The following HMGA2 variants were observed in gnomAD, a reference collection of about 807,000 sequenced individuals.
HMGA2 encodes high mobility group AT-hook 2.
In HMGA2, 8 loss-of-function variants were observed where a neutral mutation model predicts 19.1. That is an observed-to-expected ratio of 0.42 (90% confidence interval 0.25 to 0.76). The LOEUF is 0.76. Among genes scored for constraint, HMGA2 ranks in the 30% least tolerant of loss-of-function variants. HMGA2 has a pLI of 0.28. For synonymous variants in HMGA2, 60 were observed against 48.8 expected, an observed-to-expected ratio of 1.23 and a Z score of -0.96; for missense variants, 109 against 136.3, an observed-to-expected ratio of 0.80 and a Z score of 1.00.
chr12:65,877,396 C>A (rs149469522), intron 3 of HMGA2, among the ~76,000 whole-genome samples: 29 of 152,100 alleles, frequency 1.9e-4, no homozygotes, highest in African/African-American at 6.7e-4. Context: ...TGCAGAGAGG[C>A]CTTAGGAGGG....
Position 65,838,569 on chromosome 12 carries a change from GGTGA to G in HMGA2, c.249+3_249+6del. 2.5e-6 allele frequency: 4 copies of G among 1,602,988 alleles called. No individual in the cohort carries two copies. Among genetic ancestry groups the G allele is most frequent in the Non-Finnish European group, 3.4e-6 (4 of 1,170,864 alleles). Reference sequence around the variant, plus strand: ...GGCCAAGAGGCAGACCTAGGAAATGGGTGAGTAATAAGATATAATTTTTCTTCTT... The same window carrying G: ...GGCCAAGAGGCAGACCTAGGAAATGGGTAATAAGATATAATTTTTCTTCTT... On this transcript the variant is annotated splice_donor_variant and splice_donor_region_variant and intron_variant, in intron 3 of 4. Coordinates refer to ENST00000403681, the MANE Select transcript of HMGA2 (RefSeq NM_003483.6). LOFTEE classifies it high-confidence loss of function.
At chr12:65,890,310 A>G (rs999861887) in intron 3 of HMGA2, among the ~76,000 whole-genome samples, 1 of 152,186 alleles carries the variant, frequency 6.6e-6, no homozygotes, top group Admixed American at 6.5e-5. Context: ...TTAGCACAGC[A>G]CCTGAGGCAT....
At chr12:65,831,621 G>GT (rs1255354398) in intron 2 of HMGA2, among the ~76,000 whole-genome samples, 1 of 151,788 alleles carries the variant, frequency 6.6e-6, no homozygotes, top group Non-Finnish European at 1.5e-5. Flanking sequence ...CAGAGTAAAT[G>GT]TTTAATCTCT....
At chr12:65,844,367 C>T (rs1871148473) in intron 3 of HMGA2, among the ~76,000 whole-genome samples, 1 of 152,156 alleles carries the variant, frequency 6.6e-6, no homozygotes, top group African/African-American at 2.4e-5. Flanking sequence ...GTAATATTTT[C>T]TGAAACTATC....
In HMGA2 at chr12:65,954,360, G is replaced by A. The variant is rs565492803; in HGVS notation, c.282+2945G>A. On this transcript the variant is annotated intron_variant, in intron 4 of 4. Transcript: ENST00000403681. ...TTTTAAGGCAGGAATTTTTTAGCTGGAGGAAATTTTCTAGTAATTGCTCCA... is the reference window on the plus strand; with the variant it reads ...TTTTAAGGCAGGAATTTTTTAGCTGAAGGAAATTTTCTAGTAATTGCTCCA... 3.3e-5 allele frequency: 5 copies of A among 152,222 alleles called. No homozygotes were observed. In the South Asian group the frequency reaches 1.0e-3, roughly 32 times the overall value. 9.4% of individuals were successfully genotyped at this position (152,222 alleles called of 1,614,324 possible).
chr12:65,882,314 A>G (rs1240990077), intron 3 of HMGA2: 1 of 215,736 alleles, frequency 4.6e-6, no homozygotes, highest in Admixed American at 5.1e-5. Context: ...CTGCGCTGCC[A>G]GGGTTGCGTC....
In HMGA2 at chr12:65,875,589, A is replaced by ATTTTTTTTTTTTT. The variant is rs71096056; in HGVS notation, c.249+37049_249+37061dup. On this transcript the variant is annotated intron_variant, in intron 3 of 4. Transcript: ENST00000403681. Reference sequence around the variant, plus strand: ...CGGGCATATGCCACCGTGCCCGGCTATTTTTTTTTTTTTTTTTTTTTTTTT... The same window carrying ATTTTTTTTTTTTT: ...CGGGCATATGCCACCGTGCCCGGCTATTTTTTTTTTTTTTTTTTTTTTTTTTTTTTTTTTTTTT... Among the ~76,000 whole-genome samples the ATTTTTTTTTTTTT allele has an allele frequency of 5.2e-3, 137 of 26,106 alleles. 49 individuals are homozygous for ATTTTTTTTTTTTT. Among genetic ancestry groups the ATTTTTTTTTTTTT allele is most frequent in the Non-Finnish European group, 8.5e-3 (100 of 11,774 alleles). The allele number at this position is 26,106 out of a possible 152,430, so 17.1% of individuals were successfully genotyped here.
chr12:65,959,939 G>T (rs1415659141), intron 4 of HMGA2, among the ~76,000 whole-genome samples: 1 of 152,028 alleles, frequency 6.6e-6, no homozygotes, highest in Admixed American at 6.6e-5. Flanking sequence ...GCCCAGGCTG[G>T]AGTGCAGTGG....
chr12:65,933,290 G>A (rs1233557700), intron 3 of HMGA2, among the ~76,000 whole-genome samples: 1 of 152,104 alleles, frequency 6.6e-6, no homozygotes, highest in Non-Finnish European at 1.5e-5. Flanking sequence ...TATACATGCT[G>A]ATATACAGGA....
intron 3 of HMGA2, among the ~76,000 whole-genome samples, chr12:65,907,346 G>T (rs1350964293): frequency 6.7e-6 from 1 of 149,252 alleles, no homozygotes; most frequent in Non-Finnish European, 1.5e-5. Context: ...GGAGGCAGAG[G>T]TTGCAGCGAA....
chr12:65,890,851 G>C (rs1873873881), intron 3 of HMGA2, among the ~76,000 whole-genome samples: 1 of 151,876 alleles, frequency 6.6e-6, no homozygotes, highest in South Asian at 2.1e-4. Context: ...AGCCTCCTGA[G>C]TAGCTGGGAT....
chr12:65,842,073 C>T lies in HMGA2; in HGVS notation c.249+3504C>T, dbSNP rs773049347. 3.2e-4 allele frequency: 408 copies of T among 1,281,418 alleles called. 1 individual carries two copies. The highest frequency in any genetic ancestry group is 7.2e-4 in the South Asian group (57 of 79,592). The allele number at this position is 1,281,418 out of a possible 1,614,324, so 79.4% of individuals were successfully genotyped here. ...AGGTGGTCTGATTTTCATGTGTGTGCGTGTGTGTGTAGAAGAGGCTAGAGG... is the reference window on the plus strand; with the variant it reads ...AGGTGGTCTGATTTTCATGTGTGTGTGTGTGTGTGTAGAAGAGGCTAGAGG... On this transcript the variant is annotated intron_variant, in intron 3 of 4. Transcript: ENST00000403681.
chr12:65,893,137 A>G (rs990699079), intron 3 of HMGA2, among the ~76,000 whole-genome samples: 2 of 152,170 alleles, frequency 1.3e-5, no homozygotes, highest in Non-Finnish European at 2.9e-5. Context: ...TTCCTGTGGA[A>G]GGGGAGACAA....
chr12:65,826,991 C>A (rs1360934836), intron 1 of HMGA2: 5 of 152,080 alleles, frequency 3.3e-5, no homozygotes, highest in Non-Finnish European at 7.3e-5. Context: ...TCATTGAGGA[C>A]GTTCATGGGT....
At chr12:65,961,738 AGT>A (rs66619603) in intron 4 of HMGA2, among the ~76,000 whole-genome samples, 22,982 of 149,920 alleles carry the variant, frequency 0.15, 2,197 homozygotes, top group South Asian at 0.32. Context: ...CCCAGGATAG[AGT>A]GTGTGTGTGT....
chr12:65,892,158 C>T (rs564429530), intron 3 of HMGA2, among the ~76,000 whole-genome samples: 19 of 152,348 alleles, frequency 1.2e-4, no homozygotes, highest in South Asian at 1.2e-3. Context: ...GTGGTAGCAG[C>T]ATGAAAGAAT....
intron 1 of HMGA2, among the ~76,000 whole-genome samples, chr12:65,827,382 GC>G (rs1870259052): frequency 6.6e-6 from 1 of 152,186 alleles, no homozygotes; most frequent in Non-Finnish European, 1.5e-5. Context: ...GATGATTCAA[GC>G]AAAACCTCCC....
chr12:65,838,594 T>C (rs767899892), intron 3 of HMGA2, 25 bp downstream of exon 3: 9 of 1,563,448 alleles, frequency 5.8e-6, no homozygotes, highest in Middle Eastern at 1.7e-4. Context: ...ATAATTTTTC[T>C]TCTTTTTTTT....
intron 3 of HMGA2, among the ~76,000 whole-genome samples, chr12:65,925,484 T>G (rs552675044): frequency 6.6e-6 from 1 of 152,224 alleles, no homozygotes; most frequent in South Asian, 2.1e-4. Context: ...GTTCCGATTC[T>G]GCTCTTGGTG....
Sources: allele counts gnomAD v4.1 joint callset (sites outside exome capture counted in the v4.1 genomes callset), GRCh38; gene constraint gnomAD v4.1.1; transcripts MANE v1.5; gene names NCBI Gene and HGNC (gene_info 2026-07-23, HGNC 2026-07-21).